Variants in SMAD3 observed in about 807,000 individuals in gnomAD.
SMAD3 encodes the protein SMAD family member 3, also known as MAD homolog 3.
Under a neutral mutation model 51.8 loss-of-function variants are expected in SMAD3, and 12 were observed. The ratio of observed to expected loss-of-function variants is 0.23; its 90% confidence interval spans 0.15 to 0.38. The LOEUF (loss-of-function observed/expected upper bound fraction) is 0.38, where lower values mean the gene tolerates loss of function less well. SMAD3 is among the 10% of genes least tolerant of loss of function. The pLI is 1.00. For missense variants in SMAD3, 294 were observed against 565.6 expected (o/e 0.52, Z 4.87); for synonymous variants, 238 against 227.7 (o/e 1.05, Z -0.41).
intron 3 of SMAD3, among the ~76,000 whole-genome samples, chr15:67,165,832 G>A (rs888830772): frequency 6.6e-6 from 1 of 152,222 alleles, no homozygotes; most frequent in Non-Finnish European, 1.5e-5. Flanking sequence ...GCTCCAACCT[G>A]GGTGGGAATT....
At chr15:67,092,050 G>A (rs1032491335) in intron 1 of SMAD3, among the ~76,000 whole-genome samples, 3 of 152,152 alleles carry the variant, frequency 2.0e-5, no homozygotes, top group Non-Finnish European at 4.4e-5. Flanking sequence ...TAAAATTGCC[G>A]ACCCAAGGTA....
chr15:67,078,239 G>A (rs1159625462), intron 1 of SMAD3, among the ~76,000 whole-genome samples: 3 of 152,244 alleles, frequency 2.0e-5, no homozygotes, highest in Admixed American at 6.5e-5. Flanking sequence ...GAAACTAAGT[G>A]GGGTGTTGCT....
In SMAD3 at chr15:67,194,253, G is replaced by A. The variant is rs1041235805; in HGVS notation, c.*3717G>A. 3.4e-5 allele frequency: 8 copies of A among 233,236 alleles called. No individual in the cohort carries two copies. The highest frequency in any genetic ancestry group is 5.1e-5 in the Non-Finnish European group (6 of 118,006). The allele number at this position is 233,236 out of a possible 1,614,324, so 14.4% of individuals were successfully genotyped here. A position where few individuals can be genotyped will look rare whatever the true frequency, so the allele number is the denominator to read the frequency against. On this transcript the variant is annotated 3_prime_UTR_variant, in exon 9 of 9. Coordinates refer to ENST00000327367, the MANE Select transcript of SMAD3 (RefSeq NM_005902.4). ...CCTTGTAGGCCCCTTTCAGGTAACC[G>A]TCTTCACAATGTATTTTCATCACAG...
At chr15:67,117,961 G>A (rs916679536) in intron 1 of SMAD3, among the ~76,000 whole-genome samples, 2 of 152,144 alleles carry the variant, frequency 1.3e-5, no homozygotes, top group East Asian at 1.9e-4. Flanking sequence ...GCGTGGTGAC[G>A]GGTGCCTGTA....
chr15:67,108,618 G>C (rs905353127), intron 1 of SMAD3, among the ~76,000 whole-genome samples: 6 of 152,174 alleles, frequency 3.9e-5, no homozygotes, highest in African/African-American at 1.4e-4. Context: ...TCTTCTCACA[G>C]TCCCAGGCAG....
chr15:67,150,822 T>TTA lies in SMAD3; in HGVS notation c.207-14073_207-14072insTA, dbSNP rs1386192487. 6.3e-5 allele frequency among the ~76,000 whole-genome samples: 8 copies of TTA among 126,212 alleles called. 1 individual carries two copies. The highest frequency in any genetic ancestry group is 2.3e-4 in the African/African-American group (8 of 34,718). The allele number at this position is 126,212 out of a possible 152,430, so 82.8% of individuals were successfully genotyped here. A position where few individuals can be genotyped will look rare whatever the true frequency, so the allele number is the denominator to read the frequency against. Reference sequence around the variant, plus strand: ...GCTTTTTTTTTTTTTTTTTTTTTATTAAGAGAGCAAAGCTATTTCTCAGTC... The same window carrying TTA: ...GCTTTTTTTTTTTTTTTTTTTTTATTTAAAGAGAGCAAAGCTATTTCTCAGTC... On this transcript the variant is annotated intron_variant, in intron 1 of 8. Transcript: ENST00000327367.
chr15:67,164,846 A>G (rs1014539620), intron 1 of SMAD3, 49 bp from the exon 2 acceptor site: 1 of 1,591,936 alleles, frequency 6.3e-7, no homozygotes, highest in African/African-American at 1.3e-5. Flanking sequence ...TGCAGAAAGC[A>G]AGCACAATCC....
At chr15:67,165,157 C>T in intron 2 of SMAD3, 69 bp downstream of exon 2, 2 of 1,607,884 alleles carry the variant, frequency 1.2e-6, no homozygotes, top group South Asian at 1.1e-5. Context: ...GGCTCCCCAT[C>T]CCCCCGAGGG....
intron 6 of SMAD3, among the ~76,000 whole-genome samples, chr15:67,184,441 A>G (rs1443656680): frequency 6.6e-6 from 1 of 152,082 alleles, no homozygotes; most frequent in Non-Finnish European, 1.5e-5. Context: ...GAAGACTCAG[A>G]GGGTGAATAA....
At chr15:67,163,384 A>G (rs1458759037) in intron 1 of SMAD3, among the ~76,000 whole-genome samples, 1 of 152,108 alleles carries the variant, frequency 6.6e-6, no homozygotes, top group Non-Finnish European at 1.5e-5. Context: ...ATAGGTGCTC[A>G]TTAAATATGT....
chr15:67,173,818 A>G (rs186972953), intron 5 of SMAD3, among the ~76,000 whole-genome samples: 8 of 152,322 alleles, frequency 5.3e-5, no homozygotes, highest in African/African-American at 1.9e-4. Flanking sequence ...ATGGTAGCAG[A>G]GCTGGGAGAA....
At chr15:67,077,167 A>G (rs1960187461) in intron 1 of SMAD3, among the ~76,000 whole-genome samples, 2 of 152,218 alleles carry the variant, frequency 1.3e-5, no homozygotes, top group African/African-American at 4.8e-5. Flanking sequence ...TTTAAATACT[A>G]CATATGGTGT....
intron 1 of SMAD3, among the ~76,000 whole-genome samples, chr15:67,070,793 C>T (rs1960036483): frequency 6.6e-6 from 1 of 151,576 alleles, no homozygotes; most frequent in Non-Finnish European, 1.5e-5. Context: ...ACACAAAATT[C>T]AGGTCCTGTA....
At chr15:67,078,379 T>C (rs1054847720) in intron 1 of SMAD3, among the ~76,000 whole-genome samples, 6 of 152,218 alleles carry the variant, frequency 3.9e-5, no homozygotes, top group African/African-American at 1.4e-4. Context: ...TTTCAATTTC[T>C]TTGTTGATGA....
At position 67,065,628 on chromosome 15, in the gene SMAD3, G is replaced by A. The variant is rs994207307; in HGVS notation, c.-527G>A. On this transcript the variant is annotated 5_prime_UTR_variant, in exon 1 of 9. Coordinates refer to ENST00000327367, the MANE Select transcript of SMAD3 (RefSeq NM_005902.4). ...AAACACAGACTGGGAGCGGGCGGGAGCGGGAGCGCGGCGCACGCCCCGGGC... is the reference window on the plus strand; with the variant it reads ...AAACACAGACTGGGAGCGGGCGGGAACGGGAGCGCGGCGCACGCCCCGGGC... Among the ~76,000 whole-genome samples the A allele has an allele frequency of 2.6e-5, 4 of 151,640 alleles. No individual in the cohort carries two copies. Among genetic ancestry groups the A allele is most frequent in the African/African-American group, 9.7e-5 (4 of 41,340 alleles).
rs528457487 is a variant in SMAD3, at chr15:67,194,332, G to T, written c.*3796G>T. ...GGGTAGGGAAAGCAGAAAAACGTAC[G>T]CAAGAGGACATGGATCCAAAATGAT... On this transcript the variant is annotated 3_prime_UTR_variant, in exon 9 of 9. Transcript: ENST00000327367. 27 of 233,250 alleles carry T rather than the reference G, an allele frequency of 1.2e-4. No individual in the cohort carries two copies. Among genetic ancestry groups the T allele is most frequent in the African/African-American group, 5.7e-4 (26 of 45,450 alleles). 14.4% of individuals were successfully genotyped at this position (233,250 alleles called of 1,614,324 possible). A position where few individuals can be genotyped will look rare whatever the true frequency, so the allele number is the denominator to read the frequency against.
chr15:67,092,531 A>G (rs953754507), intron 1 of SMAD3, among the ~76,000 whole-genome samples: 1 of 152,160 alleles, frequency 6.6e-6, no homozygotes, highest in African/African-American at 2.4e-5. Flanking sequence ...GGGCGGTCCC[A>G]GCAGTCTGAA....
At chr15:67,186,088 T>C (rs1963215821) in intron 7 of SMAD3, among the ~76,000 whole-genome samples, 1 of 152,246 alleles carries the variant, frequency 6.6e-6, no homozygotes, top group African/African-American at 2.4e-5. Context: ...ATTCTCTGGC[T>C]CTATAAGTAA....
chr15:67,106,131 C>G (rs751610704), intron 1 of SMAD3, among the ~76,000 whole-genome samples: 5 of 152,206 alleles, frequency 3.3e-5, no homozygotes, highest in Non-Finnish European at 7.3e-5. Context: ...CCCCGTCTCC[C>G]TCCTACCTGG....
Sources: allele counts gnomAD v4.1 joint callset (sites outside exome capture counted in the v4.1 genomes callset), GRCh38; gene constraint gnomAD v4.1.1; transcripts MANE v1.5; gene names NCBI Gene and HGNC (gene_info 2026-07-23, HGNC 2026-07-21).